The following UBE2E2 variants were observed in gnomAD, a reference collection of about 807,000 sequenced individuals.
The protein encoded by UBE2E2 is ubiquitin-conjugating enzyme E2 E2.
Under a neutral mutation model 24.7 loss-of-function variants are expected in UBE2E2, and 6 were observed. That is an observed-to-expected ratio of 0.24 (90% CI 0.13 to 0.48). UBE2E2 has a LOEUF of 0.48. Ranked by LOEUF, UBE2E2 falls within the 20% of genes least tolerant of loss-of-function variation. The pLI is 0.99. For missense variants in UBE2E2, 169 were observed against 245.0 expected, an observed-to-expected ratio of 0.69 and a Z score of 2.07; for synonymous variants, 104 against 83.6, an observed-to-expected ratio of 1.24 and a Z score of -1.33.
intron 3 of UBE2E2, among the ~76,000 whole-genome samples, chr3:23,271,615 T>C (rs995122136): frequency 5.3e-5 from 8 of 152,144 alleles, no homozygotes; most frequent in African/African-American, 1.9e-4. Flanking sequence ...TGTTGATTGG[T>C]GCGTTTACAA....
intron 3 of UBE2E2, among the ~76,000 whole-genome samples, chr3:23,392,665 T>A (rs963482403): frequency 6.6e-6 from 1 of 152,072 alleles, no homozygotes; most frequent in Admixed American, 6.6e-5. Flanking sequence ...AATAAACAAA[T>A]ATATGAAGAA....
At chr3:23,223,490 CT>C (rs1439612289) in intron 3 of UBE2E2, among the ~76,000 whole-genome samples, 27 of 151,948 alleles carry the variant, frequency 1.8e-4, no homozygotes, top group Non-Finnish European at 8.8e-5. Context: ...GCGCTTGGCC[CT>C]TTTGCCTGTT....
At chr3:23,406,424 G>A (rs1482732506) in intron 3 of UBE2E2, among the ~76,000 whole-genome samples, 1 of 152,046 alleles carries the variant, frequency 6.6e-6, no homozygotes, top group East Asian at 1.9e-4. Context: ...CTGTAAAATC[G>A]CAAGACTAAT....
intron 3 of UBE2E2, among the ~76,000 whole-genome samples, chr3:23,322,179 G>A (rs1694757483): frequency 6.6e-6 from 1 of 152,156 alleles, no homozygotes; most frequent in South Asian, 2.1e-4. Flanking sequence ...TCTTCCTTTA[G>A]CTGGAAGCTG....
chr3:23,321,866 G>T (rs144405234), intron 3 of UBE2E2, among the ~76,000 whole-genome samples: 1 of 151,664 alleles, frequency 6.6e-6, no homozygotes, highest in Non-Finnish European at 1.5e-5. Context: ...CCCTTGAACC[G>T]TTTTTAAAAG....
intron 3 of UBE2E2, among the ~76,000 whole-genome samples, chr3:23,354,041 A>G (rs922850094): frequency 3.3e-5 from 5 of 152,232 alleles, no homozygotes; most frequent in African/African-American, 1.2e-4. Context: ...AAACAGAGAT[A>G]TAGATCAGCG....
chr3:23,344,290 C>T (rs1695484655), intron 3 of UBE2E2, among the ~76,000 whole-genome samples: 1 of 152,116 alleles, frequency 6.6e-6, no homozygotes. Flanking sequence ...CCAGTTTACT[C>T]CCCACTTTCT....
At chr3:23,266,085 C>G (rs1363880841) in intron 3 of UBE2E2, among the ~76,000 whole-genome samples, 14 of 152,170 alleles carry the variant, frequency 9.2e-5, no homozygotes, top group South Asian at 2.1e-4. Context: ...ACTGATGGGT[C>G]TTGACTCTGT....
rs1208232421 is a variant in UBE2E2 at position 23,523,468 on chromosome 3, G to A, written c.361-9086G>A. ...AATTGTACTTGAAAGCTAAAAGATA[G>A]TAGTCTTATCATGTAGCATGCTCTA... On this transcript the variant is annotated intron_variant, in intron 4 of 5. Transcript: ENST00000396703. 2.0e-5 allele frequency among the ~76,000 whole-genome samples: 3 copies of A among 152,164 alleles called. No individual in the cohort carries two copies. The East Asian group carries it at 5.8e-4, about 29-fold the overall frequency.
At chr3:23,237,526 G>A (rs1173782550) in intron 3 of UBE2E2, among the ~76,000 whole-genome samples, 1 of 152,114 alleles carries the variant, frequency 6.6e-6, no homozygotes, top group Non-Finnish European at 1.5e-5. Context: ...TTAGTAAAAG[G>A]AAGATGACTA....
intron 3 of UBE2E2, among the ~76,000 whole-genome samples, chr3:23,406,180 C>G (rs1346272512): frequency 6.6e-6 from 1 of 152,228 alleles, no homozygotes; most frequent in Non-Finnish European, 1.5e-5. Flanking sequence ...TTCCAAGGCT[C>G]TCCAGTTTGT....
chr3:23,378,104 A>G (rs1346714233), intron 3 of UBE2E2, among the ~76,000 whole-genome samples: 2 of 152,072 alleles, frequency 1.3e-5, no homozygotes, highest in Non-Finnish European at 2.9e-5. Flanking sequence ...TTAAAAGCAG[A>G]ACAGGAAACC....
At chr3:23,382,178 AT>A (rs10645761) in intron 3 of UBE2E2, among the ~76,000 whole-genome samples, 66 of 110,798 alleles carry the variant, frequency 6.0e-4, no homozygotes, top group African/African-American at 1.5e-3. Context: ...GAATACTTTA[AT>A]TTTTTTTTTT....
intron 3 of UBE2E2, among the ~76,000 whole-genome samples, chr3:23,458,862 T>A (rs1396448227): frequency 1.3e-5 from 2 of 152,098 alleles, no homozygotes; most frequent in Non-Finnish European, 2.9e-5. Flanking sequence ...TTGTCACATA[T>A]CTTCAATTTG....
chr3:23,289,720 T>A (rs1389469238), intron 3 of UBE2E2, among the ~76,000 whole-genome samples: 2 of 152,230 alleles, frequency 1.3e-5, no homozygotes, highest in African/African-American at 4.8e-5. Context: ...TTTAAATGCA[T>A]GCTATTTAGT....
chr3:23,309,812 C>A (rs368608707), intron 3 of UBE2E2, among the ~76,000 whole-genome samples: 19 of 152,208 alleles, frequency 1.2e-4, no homozygotes, highest in East Asian at 9.7e-4. Context: ...TGGTTTTTGG[C>A]AGGAGGTCTC....
At chr3:23,260,822 GC>G (rs1245510720) in intron 3 of UBE2E2, among the ~76,000 whole-genome samples, 1 of 152,166 alleles carries the variant, frequency 6.6e-6, no homozygotes, top group Non-Finnish European at 1.5e-5. Context: ...CAGTAATGGG[GC>G]TGGGCGTGAT....
intron 5 of UBE2E2, among the ~76,000 whole-genome samples, chr3:23,560,141 A>T (rs1413205473): frequency 6.6e-6 from 1 of 152,008 alleles, no homozygotes; most frequent in South Asian, 2.1e-4. Context: ...TACATGTGCC[A>T]TGTTGGTGTG....
chr3:23,397,621 G>A (rs1697109949), intron 3 of UBE2E2, among the ~76,000 whole-genome samples: 1 of 152,064 alleles, frequency 6.6e-6, no homozygotes, highest in Admixed American at 6.5e-5. Flanking sequence ...TCAATACATG[G>A]GATCATATAC....
Sources: gnomAD v4.1 joint callset for allele counts (sites outside exome capture counted in the v4.1 genomes callset) on GRCh38, gnomAD v4.1.1 for gene constraint, MANE v1.5 for transcripts, NCBI Gene and HGNC (gene_info 2026-07-23, HGNC 2026-07-21) for gene names.